DOCK9: variants seen among roughly 807,000 people sequenced by gnomAD.
The protein encoded by DOCK9 is dedicator of cytokinesis 9.
In DOCK9, 89 loss-of-function variants were observed where a neutral mutation model predicts 263.3. The observed-to-expected ratio is 0.34, with a 90% CI of 0.28 to 0.40. DOCK9 has a LOEUF of 0.40. DOCK9 is among the 10% of genes least tolerant of loss of function. The pLI, the probability that DOCK9 is intolerant of heterozygous loss-of-function variation, is 1.00. For missense variants in DOCK9, 2,140 were observed against 2,603.4 expected, an observed-to-expected ratio of 0.82 and a Z score of 3.87; for synonymous variants, 976 against 973.1, an observed-to-expected ratio of 1.00 and a Z score of -0.06.
intron 20 of DOCK9, 79 bp downstream of exon 20, chr13:98,885,629 G>A: frequency 6.9e-7 from 1 of 1,441,854 alleles, no homozygotes; most frequent in South Asian, 1.5e-5. Flanking sequence ...CAAAAAGATG[G>A]AAATTCAGAA....
chr13:99,022,193 A>C (rs1401110090), intron 1 of DOCK9, among the ~76,000 whole-genome samples: 1 of 152,168 alleles, frequency 6.6e-6, no homozygotes, highest in Non-Finnish European at 1.5e-5. Context: ...CCTTGAAGTG[A>C]ACAAAGGTGA....
chr13:98,804,943 A>C, intron 49 of DOCK9, 56 bp downstream of exon 49: 1 of 1,538,648 alleles, frequency 6.5e-7, no homozygotes, highest in Non-Finnish European at 8.8e-7. Context: ...ATCCCTCTGG[A>C]CAGCTCTTTG....
At chr13:98,879,286 C>T (rs1325114965) in intron 27 of DOCK9, among the ~76,000 whole-genome samples, 4 of 152,076 alleles carry the variant, frequency 2.6e-5, no homozygotes, top group African/African-American at 4.8e-5. Flanking sequence ...GGGGGACCCA[C>T]GGTCAGAAAG....
chr13:99,071,558 TAGTG>T (rs2041680235), intron 1 of DOCK9, among the ~76,000 whole-genome samples: 1 of 151,934 alleles, frequency 6.6e-6, no homozygotes, highest in African/African-American at 2.4e-5. Flanking sequence ...ATCGTCTTCA[TAGTG>T]AGTAGGCTAA....
chr13:98,893,355 A>G (rs932118543), intron 15 of DOCK9, among the ~76,000 whole-genome samples: 1 of 152,256 alleles, frequency 6.6e-6, no homozygotes, highest in African/African-American at 2.4e-5. Flanking sequence ...TTCTATTTTT[A>G]TACTTTGCCT....
chr13:98,799,118 A>G (rs1002545284), intron 50 of DOCK9, among the ~76,000 whole-genome samples: 65 of 152,250 alleles, frequency 4.3e-4, no homozygotes, highest in African/African-American at 1.6e-3. Flanking sequence ...CTTTGAGACT[A>G]TAAGGAAAGA....
chr13:98,977,779 C>G lies in DOCK9; in HGVS notation c.126+5G>C, dbSNP rs1483051962. ...ACAGCAACACTTTGTACGAGACCCTCTTACCGGCACAGGGCCCGGGCTCTC... is the reference window on the plus strand; with the variant it reads ...ACAGCAACACTTTGTACGAGACCCTGTTACCGGCACAGGGCCCGGGCTCTC... On this transcript the variant is annotated splice_donor_5th_base_variant and intron_variant, in intron 1 of 52. Transcript: ENST00000682017. The G allele has an allele frequency of 2.5e-6, 4 of 1,611,658 alleles. No individual in the cohort carries two copies. Among genetic ancestry groups the G allele is most frequent in the South Asian group, 1.1e-5 (1 of 90,454 alleles).
At chr13:98,995,229 T>C (rs994791951) in intron 1 of DOCK9, among the ~76,000 whole-genome samples, 4 of 152,208 alleles carry the variant, frequency 2.6e-5, no homozygotes, top group Non-Finnish European at 4.4e-5. Flanking sequence ...GAAAAGCTAA[T>C]GCTGGGGTGT....
chr13:99,055,456 G>C (rs2040873648), intron 1 of DOCK9, among the ~76,000 whole-genome samples: 1 of 152,150 alleles, frequency 6.6e-6, no homozygotes, highest in Non-Finnish European at 1.5e-5. Flanking sequence ...GTGCGGGGAA[G>C]GGGGCATCGC....
intron 1 of DOCK9, among the ~76,000 whole-genome samples, chr13:99,021,819 G>C (rs1233646666): frequency 6.6e-6 from 1 of 151,992 alleles, no homozygotes; most frequent in Admixed American, 6.6e-5. Flanking sequence ...TCAAGGGGTG[G>C]GGGACAAGGG....
At chr13:98,927,125 G>C (rs2053101298) in intron 3 of DOCK9, among the ~76,000 whole-genome samples, 1 of 152,274 alleles carries the variant, frequency 6.6e-6, no homozygotes, top group African/African-American at 2.4e-5. Flanking sequence ...CTGAGAGGTG[G>C]AATAAATGGC....
intron 49 of DOCK9, among the ~76,000 whole-genome samples, chr13:98,802,928 A>C (rs570695965): frequency 1.3e-5 from 2 of 152,254 alleles, no homozygotes; most frequent in Non-Finnish European, 2.9e-5. Flanking sequence ...AAAATGAAGA[A>C]CGCTCTTTCC....
At chr13:99,012,757 C>T (rs1884729320) in intron 1 of DOCK9, among the ~76,000 whole-genome samples, 1 of 152,170 alleles carries the variant, frequency 6.6e-6, no homozygotes, top group African/African-American at 2.4e-5. Context: ...AACATTCAAC[C>T]ATGAACCACA....
At chr13:98,861,676 T>C (rs1317358874) in intron 32 of DOCK9, among the ~76,000 whole-genome samples, 1 of 152,118 alleles carries the variant, frequency 6.6e-6, no homozygotes, top group Non-Finnish European at 1.5e-5. Flanking sequence ...ATTCCAAGAA[T>C]CCTTTTTAAA....
At chr13:98,873,211 T>C (rs767262695) in intron 27 of DOCK9, among the ~76,000 whole-genome samples, 3 of 152,240 alleles carry the variant, frequency 2.0e-5, no homozygotes, top group Non-Finnish European at 2.9e-5. Flanking sequence ...GTCTCAAGCA[T>C]GACTACTCCT....
chr13:98,950,375 G>C, intron 2 of DOCK9: 1 of 938,122 alleles, frequency 1.1e-6, no homozygotes, highest in Non-Finnish European at 1.7e-6. Context: ...GTGGCTTTGA[G>C]GGCTTGATAA....
At chr13:99,039,166 T>C (rs1350877289) in intron 1 of DOCK9, among the ~76,000 whole-genome samples, 1 of 152,204 alleles carries the variant, frequency 6.6e-6, no homozygotes, top group East Asian at 1.9e-4. Flanking sequence ...GTCTGGGTAA[T>C]AGGTCCAGCA....
intron 52 of DOCK9, 32 bp from the exon 53 acceptor site, chr13:98,794,780 C>T (rs1280340950): frequency 1.2e-6 from 2 of 1,611,544 alleles, no homozygotes; most frequent in Non-Finnish European, 1.7e-6. Flanking sequence ...TTACTGAGGG[C>T]AACACAAGGT....
At chr13:98,925,709 C>T (rs946555391) in intron 4 of DOCK9, 128 bp downstream of exon 4, 1 of 584,174 alleles carries the variant, frequency 1.7e-6, no homozygotes, top group African/African-American at 1.9e-5. Context: ...AATAGTTACA[C>T]CACATACACA....
Sources: gnomAD v4.1 joint callset for allele counts (sites outside exome capture counted in the v4.1 genomes callset) on GRCh38, gnomAD v4.1.1 for gene constraint, MANE v1.5 for transcripts, NCBI Gene and HGNC (gene_info 2026-07-23, HGNC 2026-07-21) for gene names.